Variants in FBN1 observed in about 807,000 individuals in gnomAD.
FBN1 encodes the protein fibrillin 1.
Under a neutral mutation model 365.1 loss-of-function variants are expected in FBN1, and 29 were observed. The observed-to-expected ratio is 0.08, with a 90% CI of 0.06 to 0.11. FBN1 has a LOEUF of 0.11. Ranked by LOEUF, FBN1 falls within the 10% of genes least tolerant of loss-of-function variation. FBN1 has a pLI of 1.00. For synonymous variants in FBN1, 1,210 were observed against 1,270.5 expected, an observed-to-expected ratio of 0.95 and a Z score of 1.01; for missense variants, 2,476 against 3,703.2, an observed-to-expected ratio of 0.67 and a Z score of 8.60.
At chr15:48,626,867 AAAT>A (rs1284333395) in intron 2 of FBN1, among the ~76,000 whole-genome samples, 1 of 152,222 alleles carries the variant, frequency 6.6e-6, no homozygotes, top group African/African-American at 2.4e-5. Flanking sequence ...AGTGGAATAA[AAAT>A]AATAATTAGC....
At chr15:48,565,959 G>T (rs1444385720) in intron 6 of FBN1, among the ~76,000 whole-genome samples, 3 of 152,146 alleles carry the variant, frequency 2.0e-5, no homozygotes, top group Admixed American at 2.0e-4. Context: ...TCTTTTGGAA[G>T]AATTGAAAAA....
intron 3 of FBN1, 40 bp from the exon 4 acceptor site, chr15:48,610,866 A>C: frequency 6.4e-7 from 1 of 1,554,800 alleles, no homozygotes; most frequent in East Asian, 2.2e-5. Context: ...ATGGATTTGG[A>C]ACACGATTTG....
intron 55 of FBN1, 102 bp downstream of exon 55, chr15:48,432,764 A>G (rs576046413): frequency 6.9e-7 from 1 of 1,447,638 alleles, no homozygotes; most frequent in South Asian, 1.1e-5. Flanking sequence ...GACTATTTAT[A>G]TTCCAATTCC....
intron 45 of FBN1, 132 bp from the exon 46 acceptor site, chr15:48,449,025 C>G (rs1464709467): frequency 1.3e-6 from 1 of 756,924 alleles, no homozygotes; most frequent in African/African-American, 1.7e-5. Flanking sequence ...TTTATTTTTG[C>G]ATCAAAATGG....
chr15:48,569,126 A>G (rs1361489798), intron 6 of FBN1, among the ~76,000 whole-genome samples: 1 of 152,130 alleles, frequency 6.6e-6, no homozygotes, highest in Non-Finnish European at 1.5e-5. Flanking sequence ...AGGAACTCTT[A>G]CAACTCAATA....
At chr15:48,519,729 A>G (rs1420822013) in intron 10 of FBN1, among the ~76,000 whole-genome samples, 2 of 152,214 alleles carry the variant, frequency 1.3e-5, no homozygotes, top group African/African-American at 2.4e-5. Flanking sequence ...AAATGCTCGG[A>G]TTGGGTGCAA....
intron 2 of FBN1, among the ~76,000 whole-genome samples, chr15:48,635,131 C>T (rs1430680728): frequency 1.4e-4 from 22 of 152,082 alleles, no homozygotes; most frequent in Admixed American, 1.4e-3. Flanking sequence ...ATTCATAATC[C>T]TTCAAAATGT....
chr15:48,602,068 T>C (rs1403260036), intron 4 of FBN1, among the ~76,000 whole-genome samples: 1 of 152,266 alleles, frequency 6.6e-6, no homozygotes, highest in Non-Finnish European at 1.5e-5. Flanking sequence ...ACTTTCCTTG[T>C]CCTAGTCCCT....
intron 38 of FBN1, among the ~76,000 whole-genome samples, 162 bp downstream of exon 38, chr15:48,467,776 G>GTCCC (rs1358566063): frequency 1.8e-4 from 27 of 151,630 alleles, no homozygotes; most frequent in Non-Finnish European, 1.3e-4. Context: ...AGCCAACCAG[G>GTCCC]AATATTTTCT....
At chr15:48,494,082 A>T (rs1026914552) in intron 23 of FBN1, 122 bp downstream of exon 23, 1 of 779,810 alleles carries the variant, frequency 1.3e-6, no homozygotes, top group Middle Eastern at 3.4e-4. Flanking sequence ...AGTTCTCATT[A>T]TTTTTTTTCT....
intron 22 of FBN1, among the ~76,000 whole-genome samples, chr15:48,494,920 A>G (rs1344400873): frequency 2.0e-5 from 3 of 152,232 alleles, no homozygotes; most frequent in African/African-American, 4.8e-5. Flanking sequence ...CCACATTACA[A>G]TGTGAAGATA....
intron 8 of FBN1, among the ~76,000 whole-genome samples, 155 bp from the exon 9 acceptor site, chr15:48,526,410 G>A (rs2043915566): frequency 6.6e-6 from 1 of 152,174 alleles, no homozygotes; most frequent in African/African-American, 2.4e-5. Flanking sequence ...TCAATTCAAA[G>A]GTAGATGCTG....
intron 8 of FBN1, among the ~76,000 whole-genome samples, chr15:48,527,785 A>G (rs1159862348): frequency 6.6e-6 from 1 of 152,250 alleles, no homozygotes; most frequent in Non-Finnish European, 1.5e-5. Context: ...CTTATATTAG[A>G]GTCAATGCTA....
intron 8 of FBN1, among the ~76,000 whole-genome samples, chr15:48,532,498 A>ATGTG (rs1305947590): frequency 1.8e-4 from 23 of 125,998 alleles, no homozygotes; most frequent in African/African-American, 6.5e-4. Flanking sequence ...GTGTATATAT[A>ATGTG]TATGTGTATG....
At chr15:48,495,330 C>T (rs1305684479) in intron 21 of FBN1, 70 bp from the exon 22 acceptor site, 1 of 1,596,710 alleles carries the variant, frequency 6.3e-7, no homozygotes, top group African/African-American at 1.3e-5. Flanking sequence ...GAATTATAGA[C>T]AAAAATAGCA....
intron 49 of FBN1, among the ~76,000 whole-genome samples, chr15:48,444,077 C>T (rs1386873083): frequency 6.6e-6 from 1 of 152,104 alleles, no homozygotes; most frequent in Non-Finnish European, 1.5e-5. Context: ...GTAAAATTTG[C>T]TGAGAATTTA....
intron 6 of FBN1, among the ~76,000 whole-genome samples, chr15:48,558,584 A>T (rs534813064): frequency 2.6e-5 from 4 of 152,356 alleles, no homozygotes; most frequent in African/African-American, 7.2e-5. Context: ...CAGAATTATG[A>T]AAAAGCAAAG....
chr15:48,568,049 G>GAAAGAAGAAAGAAGAAAGAAAGAAAGA (rs369157930), intron 6 of FBN1, among the ~76,000 whole-genome samples: 2 of 40,130 alleles, frequency 5.0e-5, no homozygotes, highest in Admixed American at 2.6e-4. Context: ...AAGAAAGAAA[G>GAAAGAAGAAAGAAGAAAGAAAGAAAGA]AAGAAAGAAA....
intron 34 of FBN1, 108 bp from the exon 35 acceptor site, chr15:48,472,784 G>T: frequency 1.4e-6 from 2 of 1,470,250 alleles, no homozygotes; most frequent in South Asian, 1.2e-5. Flanking sequence ...ACTTCAATTT[G>T]ACACATTTAA....
Sources: gnomAD v4.1 joint callset for allele counts (sites outside exome capture counted in the v4.1 genomes callset) on GRCh38, gnomAD v4.1.1 for gene constraint, MANE v1.5 for transcripts, NCBI Gene and HGNC (gene_info 2026-07-23, HGNC 2026-07-21) for gene names.